The following SPINK5 variants were observed in gnomAD, a reference collection of about 807,000 sequenced individuals.
The protein encoded by SPINK5 is serine protease inhibitor Kazal-type 5.
A neutral mutation model predicts 151.8 loss-of-function variants in SPINK5; 125 were observed. The ratio of observed to expected loss-of-function variants is 0.82; its 90% CI spans 0.71 to 0.96. The LOEUF (loss-of-function observed/expected upper bound fraction) is 0.96, where lower values mean the gene tolerates loss of function less well. Ranked by LOEUF, SPINK5 falls within the 40% of genes least tolerant of loss-of-function variation. SPINK5 has a pLI of 0.00. For missense variants in SPINK5, 1,194 were observed against 1,291.9 expected (o/e 0.92, Z 1.16); for synonymous variants, 374 against 395.3 (o/e 0.95, Z 0.64).
Position 148,120,044 on chromosome 5 carries a change from T to C in SPINK5, c.2349T>C (p.Asn783=), listed in dbSNP as rs1356587554. The change falls in exon 25 of 33, where the codon AAT becomes AAC. Residue 783 remains asparagine (N), a synonymous_variant. Coordinates refer to ENST00000256084, the MANE Select transcript of SPINK5 (RefSeq NM_006846.4). ...ATGAGTTTAGAAGCCAAATGAAAAA[T>C]GGAAAACTCATCTGCACTCGAGAAA... ...TCDEFRSQMK[N]GKLICTRESD... 6 of 1,613,914 alleles carry C rather than the reference T, an allele frequency of 3.7e-6. No homozygotes were observed. Among genetic ancestry groups the C allele is most frequent in the African/African-American group, 1.3e-5 (1 of 75,020 alleles).
At chr5:148,072,051 G>T in intron 3 of SPINK5, 97 bp from the exon 4 acceptor site, 1 of 1,146,744 alleles carries the variant, frequency 8.7e-7, no homozygotes. Context: ...AGGCTAGGCT[G>T]AGGAGAGCAG....
intron 4 of SPINK5, among the ~76,000 whole-genome samples, chr5:148,077,545 C>T (rs1752915178): frequency 6.7e-6 from 1 of 149,306 alleles, no homozygotes. Context: ...ATGAAAAGCA[C>T]CAGAAATAGT....
In SPINK5 at chr5:148,111,761, T is replaced by C. The variant is rs1753935029; in HGVS notation, c.1693-7T>C. 6 of 1,613,868 alleles carry C rather than the reference T, an allele frequency of 3.7e-6. No homozygotes were observed. Among genetic ancestry groups the C allele is most frequent in the Non-Finnish European group, 5.1e-6 (6 of 1,179,896 alleles). ...CTCTTAAAACCTGCTTCTGCTTCAT[T>C]TGGCAGGAGCTGTGCAGTGAATATC... On this transcript the variant is annotated splice_region_variant and splice_polypyrimidine_tract_variant and intron_variant, in intron 18 of 32. Coordinates refer to ENST00000256084, the MANE Select transcript of SPINK5 (RefSeq NM_006846.4).
At position 148,114,424 on chromosome 5, in the gene SPINK5, T is replaced by C. The variant is rs1424044846; in HGVS notation, c.1950T>C (p.Asn650=). 1 of 1,613,742 alleles carries C rather than the reference T, an allele frequency of 6.2e-7. No homozygotes were observed. The highest frequency in any genetic ancestry group is 1.3e-5 in the African/African-American group (1 of 75,004). ...GAAAACTTTTCTGCACAAGAGAAAA[T>C]GATCCTGTGCGTGGCCCAGATGGCA... The part of the protein sequence containing the change: ...QNGKLFCTRE[N]DPVRGPDGKT... Residue 650 remains asparagine (N), a synonymous_variant, in exon 21 of 33, where the codon AAT becomes AAC. Coordinates refer to ENST00000256084, the MANE Select transcript of SPINK5 (RefSeq NM_006846.4).
chr5:148,071,108 A>G (rs1335402914), intron 3 of SPINK5, among the ~76,000 whole-genome samples: 1 of 152,134 alleles, frequency 6.6e-6, no homozygotes, highest in Non-Finnish European at 1.5e-5. Flanking sequence ...GGCTTGGGTT[A>G]TCAATTGCAA....
chr5:148,088,474 C>T (rs1476977344), intron 5 of SPINK5, 68 bp from the exon 6 acceptor site: 1 of 1,332,620 alleles, frequency 7.5e-7, no homozygotes, highest in Admixed American at 1.7e-5. Flanking sequence ...CAATGTAGAG[C>T]AGTTAGGTTT....
At chr5:148,131,172 G>T in intron 30 of SPINK5, 87 bp from the exon 31 acceptor site, 1 of 1,486,420 alleles carries the variant, frequency 6.7e-7, no homozygotes, top group Non-Finnish European at 9.4e-7. Flanking sequence ...TATTCAAGTT[G>T]GATTAAGGAA....
Position 148,101,917 on chromosome 5 carries a change from A to C in SPINK5, c.1430+9A>C, listed in dbSNP as rs779999721. 4.0e-5 allele frequency: 64 copies of C among 1,613,376 alleles called. No homozygotes were observed. Among genetic ancestry groups the C allele is most frequent in the Non-Finnish European group, 5.3e-5 (62 of 1,179,558 alleles). Reference sequence around the variant, plus strand: ...ATGTGTGAGGCCTTCTTGTGAGTAGAGCAGTAGCCCCATAGCGTCTGAGGA... The same window carrying C: ...ATGTGTGAGGCCTTCTTGTGAGTAGCGCAGTAGCCCCATAGCGTCTGAGGA... On this transcript the variant is annotated intron_variant, in intron 15 of 32. Coordinates refer to ENST00000256084, the MANE Select transcript of SPINK5 (RefSeq NM_006846.4).
chr5:148,074,609 T>G (rs1314340279), intron 4 of SPINK5, among the ~76,000 whole-genome samples: 1 of 151,826 alleles, frequency 6.6e-6, no homozygotes, highest in Non-Finnish European at 1.5e-5. Flanking sequence ...ATGGGACCTA[T>G]GCATAGATAT....
chr5:148,113,056 G>A, intron 20 of SPINK5, 122 bp downstream of exon 20: 1 of 1,493,156 alleles, frequency 6.7e-7, no homozygotes, highest in Non-Finnish European at 9.0e-7. Flanking sequence ...TTTAGTCCAG[G>A]GGTTGAGAAA....
At chr5:148,089,996 C>A (rs1160783579) in intron 7 of SPINK5, among the ~76,000 whole-genome samples, 1 of 151,714 alleles carries the variant, frequency 6.6e-6, no homozygotes, top group Non-Finnish European at 1.5e-5. Flanking sequence ...TATGTAGAGA[C>A]CCTTCCTGAG....
chr5:148,098,484 T>TCTTG (rs33984298), intron 11 of SPINK5, among the ~76,000 whole-genome samples: 2 of 151,576 alleles, frequency 1.3e-5, no homozygotes, highest in Non-Finnish European at 2.9e-5. Context: ...TTACGATAGC[T>TCTTG]CTTTATTTGG....
At chr5:148,118,085 C>G (rs960342008) in intron 22 of SPINK5, among the ~76,000 whole-genome samples, 2 of 152,286 alleles carry the variant, frequency 1.3e-5, no homozygotes, top group Non-Finnish European at 2.9e-5. Flanking sequence ...ATGGAGCAAT[C>G]TTGGCTCACC....
intron 4 of SPINK5, among the ~76,000 whole-genome samples, chr5:148,077,660 T>TATATATATATAG (rs1752919909): frequency 6.8e-6 from 1 of 147,470 alleles, no homozygotes; most frequent in Admixed American, 6.8e-5. Context: ...TATATATATA[T>TATATATATATAG]GACAACAATA....
rs1337584849 is a variant in SPINK5, at chr5:148,123,814, T to C, written c.2539-19T>C. ...GATTATACCATGACAGTAACAACTT[T>C]TTCTGCTACTGTTGGTAGGATCTGT... On this transcript the variant is annotated intron_variant, in intron 26 of 32. Coordinates refer to ENST00000256084, the MANE Select transcript of SPINK5 (RefSeq NM_006846.4). The C allele has an allele frequency of 1.2e-6, 2 of 1,613,918 alleles. No individual in the cohort carries two copies. Among genetic ancestry groups the C allele is most frequent in the East Asian group, 2.2e-5 (1 of 44,854 alleles).
rs1283037901 is a variant in SPINK5, at chr5:148,107,300, TTAAG to T, written c.1607+140_1607+143del. ...GGTTTACAAGCAGATGGATAAGACATTAAGTAATATTGAATCATATAGTGACAAT... is the reference window on the plus strand; with the variant it reads ...GGTTTACAAGCAGATGGATAAGACATTAATATTGAATCATATAGTGACAAT... On this transcript the variant is annotated intron_variant, in intron 17 of 32. Coordinates refer to ENST00000256084, the MANE Select transcript of SPINK5 (RefSeq NM_006846.4). The T allele has an allele frequency of 2.2e-5, 26 of 1,188,802 alleles. No homozygotes were observed. The East Asian group carries it at 6.1e-4, about 28-fold the overall frequency. 73.6% of individuals were successfully genotyped at this position (1,188,802 alleles called of 1,614,324 possible).
chr5:148,065,239 A>G (rs1208342781), intron 1 of SPINK5, 108 bp from the exon 2 acceptor site: 83 of 1,254,754 alleles, frequency 6.6e-5, no homozygotes, highest in Non-Finnish European at 9.1e-5. Context: ...GCGGTTTTAC[A>G]ACATATTGTC....
In SPINK5 at chr5:148,086,393, T is replaced by C. The variant is rs752183279; in HGVS notation, c.283-12T>C. ...CTTACATTTTGACGTTCCTTGATCATGTCTTTTGCAGCTGAATTGTGATGA... is the reference window on the plus strand; with the variant it reads ...CTTACATTTTGACGTTCCTTGATCACGTCTTTTGCAGCTGAATTGTGATGA... On this transcript the variant is annotated splice_polypyrimidine_tract_variant and intron_variant, in intron 4 of 32. Coordinates refer to ENST00000256084, the MANE Select transcript of SPINK5 (RefSeq NM_006846.4). The C allele has an allele frequency of 2.5e-6, 4 of 1,609,658 alleles. No individual in the cohort carries two copies. In the South Asian group the frequency reaches 4.4e-5, roughly 18 times the overall value.
At chr5:148,065,268 C>G in intron 1 of SPINK5, 79 bp from the exon 2 acceptor site, 1 of 1,446,630 alleles carries the variant, frequency 6.9e-7, no homozygotes, top group South Asian at 1.2e-5. Flanking sequence ...AATCAAGATG[C>G]TGCATTAAAT....
Sources: allele counts gnomAD v4.1 joint callset (sites outside exome capture counted in the v4.1 genomes callset), GRCh38; gene constraint gnomAD v4.1.1; transcripts MANE v1.5; gene names NCBI Gene and HGNC (gene_info 2026-07-23, HGNC 2026-07-21).